COL21A1: variants seen among roughly 807,000 people sequenced by gnomAD.
The protein encoded by COL21A1 is collagen type XXI alpha 1 chain, also known as collagen alpha-1(XXI) chain.
COL21A1 carries 149 observed loss-of-function variants against 137.9 expected under a neutral mutation model. The observed-to-expected ratio is 1.08, with a 90% confidence interval of 0.95 to 1.24. The LOEUF (loss-of-function observed/expected upper bound fraction) is 1.24, where lower values mean the gene tolerates loss of function less well. Ranked by LOEUF, COL21A1 falls within the 50% of genes most tolerant of loss-of-function variation. The probability of loss-of-function intolerance (pLI) is 0.00; values close to 1 mark genes in which losing one functional copy is unlikely to be tolerated. For synonymous variants in COL21A1, 456 were observed against 391.5 expected (o/e 1.16, Z -1.95); for missense variants, 1,167 against 1,158.4 (o/e 1.01, Z -0.11).
chr6:56,344,400 T>TA (rs1177353463), intron 1 of COL21A1, among the ~76,000 whole-genome samples: 3 of 152,174 alleles, frequency 2.0e-5, no homozygotes, highest in African/African-American at 7.2e-5. Flanking sequence ...ATAAATATCA[T>TA]AAAAAATTCC....
At chr6:56,068,954 A>G (rs1582235796) in intron 22 of COL21A1, 92 bp downstream of exon 22, 1 of 774,744 alleles carries the variant, frequency 1.3e-6, no homozygotes, top group Non-Finnish European at 2.2e-6. Context: ...AAATATATTA[A>G]TAACAAGTCC....
At chr6:56,070,590 T>C (rs1027957977) in intron 21 of COL21A1, among the ~76,000 whole-genome samples, 155 bp downstream of exon 21, 1 of 151,614 alleles carries the variant, frequency 6.6e-6, no homozygotes, top group African/African-American at 2.4e-5. Flanking sequence ...TGAAACTGTA[T>C]TGACAATTTC....
chr6:56,366,963 C>T (rs1047542537), intron 1 of COL21A1, among the ~76,000 whole-genome samples: 7 of 152,122 alleles, frequency 4.6e-5, no homozygotes, highest in African/African-American at 1.7e-4. Flanking sequence ...TAAACCTTAC[C>T]TCAATTTACT....
intron 22 of COL21A1, 33 bp from the exon 23 acceptor site, chr6:56,067,363 C>G: frequency 1.9e-6 from 3 of 1,573,254 alleles, no homozygotes; most frequent in Non-Finnish European, 2.6e-6. Context: ...GTATCATAAT[C>G]TAGCATATTC....
chr6:56,374,434 T>C lies in COL21A1; in HGVS notation c.-39+19537A>G, dbSNP rs1276294443. ...TGAAAGAACCAAGAAATATGATAAG[T>C]AAAAGGGATCTTGTGTGTAGGATTT... On this transcript the variant is annotated intron_variant, in intron 1 of 28. Coordinates refer to the COL21A1 transcript ENST00000370819. Among the ~76,000 whole-genome samples the C allele has an allele frequency of 2.0e-5, 3 of 152,118 alleles. No individual in the cohort carries two copies. In the East Asian group the frequency reaches 5.8e-4, roughly 29 times the overall value.
intron 1 of COL21A1, among the ~76,000 whole-genome samples, chr6:56,189,785 C>A (rs1190415776): frequency 1.3e-5 from 2 of 152,122 alleles, no homozygotes; most frequent in Non-Finnish European, 2.9e-5. Context: ...CAGAAATCCT[C>A]AAAGCCAGAA....
chr6:56,149,928 C>A (rs562916022), intron 10 of COL21A1, among the ~76,000 whole-genome samples: 9 of 152,156 alleles, frequency 5.9e-5, no homozygotes, highest in Non-Finnish European at 1.5e-5. Flanking sequence ...TAAATCACAT[C>A]GGTCTCCTAC....
chr6:56,166,878 T>C (rs1407941331), intron 7 of COL21A1, 28 bp downstream of exon 7: 18 of 1,564,314 alleles, frequency 1.2e-5, no homozygotes, highest in Non-Finnish European at 1.6e-5. Flanking sequence ...AAGCAACATC[T>C]GGGAAAAAAA....
chr6:56,263,251 G>A (rs1763322727), intron 1 of COL21A1, among the ~76,000 whole-genome samples: 1 of 152,166 alleles, frequency 6.6e-6, no homozygotes, highest in African/African-American at 2.4e-5. Flanking sequence ...ATTTCATAAA[G>A]GGCCAAAGAA....
intron 1 of COL21A1, among the ~76,000 whole-genome samples, chr6:56,279,973 T>C (rs1401776256): frequency 4.6e-5 from 7 of 152,160 alleles, no homozygotes; most frequent in Non-Finnish European, 8.8e-5. Context: ...TCCCCTCCTT[T>C]ACCCTCCTCT....
intron 1 of COL21A1, among the ~76,000 whole-genome samples, chr6:56,319,636 C>A (rs1442298803): frequency 6.6e-6 from 1 of 152,106 alleles, no homozygotes; most frequent in Non-Finnish European, 1.5e-5. Context: ...CTGGGCCCGG[C>A]CTTTTTGTAC....
chr6:56,392,318 G>T (rs1255140336), intron 1 of COL21A1, among the ~76,000 whole-genome samples: 1 of 151,862 alleles, frequency 6.6e-6, no homozygotes, highest in Non-Finnish European at 1.5e-5. Context: ...AAAACCCTCA[G>T]AAATGGGTAT....
intron 1 of COL21A1, among the ~76,000 whole-genome samples, chr6:56,359,895 TGTG>T (rs1765926682): frequency 6.6e-6 from 1 of 152,058 alleles, no homozygotes; most frequent in Non-Finnish European, 1.5e-5. Context: ...TAATCTAATT[TGTG>T]ATCTTCCTTC....
intron 1 of COL21A1, among the ~76,000 whole-genome samples, chr6:56,183,330 A>G (rs1258126918): frequency 6.6e-6 from 1 of 152,178 alleles, no homozygotes; most frequent in African/African-American, 2.4e-5. Context: ...TAAAAGAACC[A>G]AATTCCAGAA....
intron 2 of COL21A1, among the ~76,000 whole-genome samples, chr6:56,182,042 A>G (rs1777936338): frequency 6.6e-6 from 1 of 152,180 alleles, no homozygotes; most frequent in Non-Finnish European, 1.5e-5. Flanking sequence ...AACATAAGCA[A>G]ACTTTTTTTT....
At chr6:56,393,091 C>T (rs1291822553) in intron 1 of COL21A1, among the ~76,000 whole-genome samples, 1 of 150,104 alleles carries the variant, frequency 6.7e-6, no homozygotes, top group African/African-American at 2.4e-5. Flanking sequence ...CATTATCTGA[C>T]TTCACATTAT....
chr6:56,263,134 C>G (rs1763318530), intron 1 of COL21A1, among the ~76,000 whole-genome samples: 1 of 152,218 alleles, frequency 6.6e-6, no homozygotes, highest in South Asian at 2.1e-4. Context: ...TGCTTTATTC[C>G]TAGCACCTAT....
At chr6:56,125,167 C>T (rs939096069) in intron 14 of COL21A1, among the ~76,000 whole-genome samples, 3 of 151,420 alleles carry the variant, frequency 2.0e-5, no homozygotes, top group Non-Finnish European at 4.4e-5. Context: ...ACTACAGGCT[C>T]ACACCACCAC....
At chr6:56,138,519 T>C (rs1582459445) in intron 12 of COL21A1, among the ~76,000 whole-genome samples, 1 of 151,120 alleles carries the variant, frequency 6.6e-6, no homozygotes, top group Non-Finnish European at 1.5e-5. Context: ...CAAGGAGAAA[T>C]CTAGGAGCAT....
Sources: allele counts gnomAD v4.1 joint callset (sites outside exome capture counted in the v4.1 genomes callset), GRCh38; gene constraint gnomAD v4.1.1; transcripts MANE v1.5; gene names NCBI Gene and HGNC (gene_info 2026-07-23, HGNC 2026-07-21).